Variants in PTPRM observed in about 807,000 individuals in gnomAD.
The protein encoded by PTPRM is protein tyrosine phosphatase receptor type M.
A neutral mutation model predicts 186.7 loss-of-function variants in PTPRM; 47 were observed. That is an observed-to-expected ratio of 0.25 (90% CI 0.20 to 0.32). The LOEUF (loss-of-function observed/expected upper bound fraction) is 0.32, where lower values mean the gene tolerates loss of function less well. PTPRM is among the 10% of genes least tolerant of loss of function. The probability of loss-of-function intolerance (pLI) is 1.00; values close to 1 mark genes in which losing one functional copy is unlikely to be tolerated. For synonymous variants in PTPRM, 668 were observed against 674.9 expected (o/e 0.99, Z 0.16); for missense variants, 1,494 against 1,865.0 (o/e 0.80, Z 3.66).
intron 1 of PTPRM, among the ~76,000 whole-genome samples, chr18:7,629,942 G>A (rs527835307): frequency 6.6e-6 from 1 of 152,082 alleles, no homozygotes; most frequent in Non-Finnish European, 1.5e-5. Flanking sequence ...GACATGAGGA[G>A]GTTTTTTTGG....
At chr18:7,930,554 ATTTACT>A (rs2051425569) in intron 5 of PTPRM, among the ~76,000 whole-genome samples, 2 of 152,090 alleles carry the variant, frequency 1.3e-5, no homozygotes, top group Non-Finnish European at 1.5e-5. Flanking sequence ...AACTCTGTTT[ATTTACT>A]TTTATTTCAC....
chr18:8,174,002 G>A (rs2146496006), intron 14 of PTPRM, among the ~76,000 whole-genome samples: 1 of 151,810 alleles, frequency 6.6e-6, no homozygotes, highest in African/African-American at 2.4e-5. Context: ...GGAAGCAGAG[G>A]TTGCAGTGAG....
At chr18:8,217,454 A>G (rs897884972) in intron 14 of PTPRM, among the ~76,000 whole-genome samples, 1 of 152,200 alleles carries the variant, frequency 6.6e-6, no homozygotes, top group African/African-American at 2.4e-5. Flanking sequence ...AATTCCTAGT[A>G]TACAAATTCG....
chr18:8,041,742 G>C (rs1251203601), intron 7 of PTPRM, among the ~76,000 whole-genome samples: 1 of 152,200 alleles, frequency 6.6e-6, no homozygotes, highest in Non-Finnish European at 1.5e-5. Context: ...CTAGGGTGCA[G>C]TGGGGCAAAC....
chr18:7,583,484 T>TAA (rs2036898513), intron 1 of PTPRM, among the ~76,000 whole-genome samples: 1 of 152,232 alleles, frequency 6.6e-6, no homozygotes, highest in South Asian at 2.1e-4. Context: ...GCGCATGTTA[T>TAA]AATTTTCAAG....
intron 2 of PTPRM, among the ~76,000 whole-genome samples, chr18:7,778,221 A>G (rs2042684021): frequency 6.6e-6 from 1 of 152,234 alleles, no homozygotes; most frequent in Admixed American, 6.5e-5. Context: ...ACTCTGGAGC[A>G]GTGACGTTAG....
At chr18:8,186,128 C>T (rs1210451363) in intron 14 of PTPRM, among the ~76,000 whole-genome samples, 2 of 151,946 alleles carry the variant, frequency 1.3e-5, no homozygotes, top group African/African-American at 4.8e-5. Flanking sequence ...GAGATCAAGA[C>T]CATCCTGGCC....
chr18:8,242,258 C>G (rs1455564409), intron 14 of PTPRM, among the ~76,000 whole-genome samples: 3 of 152,200 alleles, frequency 2.0e-5, no homozygotes, highest in African/African-American at 7.2e-5. Context: ...AAAAAGAAGG[C>G]ATTTTGCCTG....
intron 21 of PTPRM, among the ~76,000 whole-genome samples, chr18:8,318,970 C>T (rs2095328480): frequency 6.6e-6 from 1 of 152,240 alleles, no homozygotes; most frequent in South Asian, 2.1e-4. Flanking sequence ...AAGTTACCCA[C>T]ACCTTTGGTG....
At chr18:8,171,191 T>A (rs1027015451) in intron 14 of PTPRM, among the ~76,000 whole-genome samples, 2 of 152,186 alleles carry the variant, frequency 1.3e-5, no homozygotes, top group Non-Finnish European at 2.9e-5. Flanking sequence ...GCTAGAGAAC[T>A]TTTTTTAAAA....
intron 13 of PTPRM, among the ~76,000 whole-genome samples, chr18:8,126,027 A>ATATATATTTTTTTTTT (rs57751538): frequency 5.8e-5 from 4 of 69,532 alleles, no homozygotes; most frequent in Non-Finnish European, 1.1e-4. Flanking sequence ...ATATATATAT[A>ATATATATTTTTTTTTT]TTTTAAATCA....
intron 1 of PTPRM, among the ~76,000 whole-genome samples, chr18:7,670,652 T>C (rs889310316): frequency 1.3e-5 from 2 of 152,248 alleles, no homozygotes; most frequent in Non-Finnish European, 2.9e-5. Flanking sequence ...AGTGACACTT[T>C]ATAGAGGTCT....
At chr18:7,925,333 G>A (rs2051108158) in intron 4 of PTPRM, among the ~76,000 whole-genome samples, 1 of 152,162 alleles carries the variant, frequency 6.6e-6, no homozygotes, top group Non-Finnish European at 1.5e-5. Flanking sequence ...CATTTTGCAT[G>A]CTGAGCATCA....
At chr18:7,897,136 A>G (rs2049403863) in intron 3 of PTPRM, among the ~76,000 whole-genome samples, 1 of 152,194 alleles carries the variant, frequency 6.6e-6, no homozygotes, top group South Asian at 2.1e-4. Flanking sequence ...GGGTTAAACA[A>G]AGTAGAACTG....
chr18:8,257,052 C>T (rs1446795785), intron 19 of PTPRM, among the ~76,000 whole-genome samples: 2 of 152,186 alleles, frequency 1.3e-5, no homozygotes, highest in East Asian at 1.9e-4. Flanking sequence ...GAGAAGGCAG[C>T]CAGGTAATGA....
chr18:7,846,880 C>T (rs1448049457), intron 2 of PTPRM, among the ~76,000 whole-genome samples: 1 of 152,000 alleles, frequency 6.6e-6, no homozygotes, highest in Non-Finnish European at 1.5e-5. Flanking sequence ...GTGTTCTTGC[C>T]CACCTTCTTA....
At chr18:7,934,486 A>G (rs950180723) in intron 5 of PTPRM, among the ~76,000 whole-genome samples, 1 of 152,244 alleles carries the variant, frequency 6.6e-6, no homozygotes, top group Non-Finnish European at 1.5e-5. Context: ...TGAGATTTTT[A>G]TAACCTACAA....
At chr18:7,744,015 G>A (rs543950602) in intron 1 of PTPRM, among the ~76,000 whole-genome samples, 2 of 152,242 alleles carry the variant, frequency 1.3e-5, no homozygotes, top group African/African-American at 4.8e-5. Flanking sequence ...AGCATCACAC[G>A]TGGATTTATG....
At chr18:7,609,434 C>T (rs746511390) in intron 1 of PTPRM, among the ~76,000 whole-genome samples, 6 of 151,842 alleles carry the variant, frequency 4.0e-5, no homozygotes, top group African/African-American at 1.2e-4. Context: ...TGCTTTGGGG[C>T]GCCATTTCCC....
Sources: gnomAD v4.1 joint callset for allele counts (sites outside exome capture counted in the v4.1 genomes callset) on GRCh38, gnomAD v4.1.1 for gene constraint, MANE v1.5 for transcripts, NCBI Gene and HGNC (gene_info 2026-07-23, HGNC 2026-07-21) for gene names.